The following TBC1D16 variants were observed in gnomAD, a reference collection of about 807,000 sequenced individuals.
The protein encoded by TBC1D16 is CTD-2529O21.1.
Under a neutral mutation model 74.7 loss-of-function variants are expected in TBC1D16, and 58 were observed. The ratio of observed to expected loss-of-function variants is 0.78; its 90% CI spans 0.63 to 0.97. The LOEUF (loss-of-function observed/expected upper bound fraction) is 0.97. TBC1D16 is among the 50% of genes least tolerant of loss of function. TBC1D16 has a pLI of 0.00. For missense variants in TBC1D16, 1,014 were observed against 1,079.5 expected (o/e 0.94, Z 0.85); for synonymous variants, 493 against 474.7 (o/e 1.04, Z -0.50).
chr17:80,012,279 A>G (rs932055739), intron 2 of TBC1D16, among the ~76,000 whole-genome samples: 1 of 151,802 alleles, frequency 6.6e-6, no homozygotes, highest in Non-Finnish European at 1.5e-5. Flanking sequence ...CGAGGTGGCT[A>G]CTCCCTGGTC....
At chr17:79,970,135 C>T (rs183337744) in intron 3 of TBC1D16, among the ~76,000 whole-genome samples, 14 of 152,226 alleles carry the variant, frequency 9.2e-5, no homozygotes, top group South Asian at 2.1e-4. Flanking sequence ...TGTTACAACA[C>T]GGATGAATCC....
chr17:79,966,229 A>G (rs1359289069), intron 3 of TBC1D16, among the ~76,000 whole-genome samples: 6 of 151,902 alleles, frequency 3.9e-5, no homozygotes, highest in Non-Finnish European at 1.5e-5. Flanking sequence ...TGTTTTCTCT[A>G]CTTAGAAGGA....
At position 79,940,583 on chromosome 17, in the gene TBC1D16, G is replaced by A. The variant is rs970706655; in HGVS notation, c.*276C>T. On this transcript the variant is annotated 3_prime_UTR_variant, in exon 12 of 12. Transcript: ENST00000310924. This position sits in a 1 kb window ranked among gnomAD's most constrained non-coding sequence, Gnocchi z 5.4. ...AAATCCTCCAGGGCAGCCAGCAGGA[G>A]AGCCCAGCCAGCCTGCGTCTCAGGT... The A allele has an allele frequency of 2.1e-5, 7 of 332,382 alleles. No individual in the cohort carries two copies. The highest frequency in any genetic ancestry group is 1.5e-4 in the African/African-American group (7 of 47,458). The allele number at this position is 332,382 out of a possible 1,614,324, so 20.6% of individuals were successfully genotyped here. A position where few individuals can be genotyped will look rare whatever the true frequency, so the allele number is the denominator to read the frequency against.
At position 79,939,170 on chromosome 17, in the gene TBC1D16, A is replaced by G. The variant is rs1000146359; in HGVS notation, c.*1689T>C. 4 of 152,322 alleles carry G rather than the reference A, an allele frequency of 2.6e-5. No individual in the cohort carries two copies. Among genetic ancestry groups the G allele is most frequent in the African/African-American group, 9.7e-5 (4 of 41,442 alleles). 9.4% of individuals were successfully genotyped at this position (152,322 alleles called of 1,614,324 possible). A position where few individuals can be genotyped will look rare whatever the true frequency, so the allele number is the denominator to read the frequency against. On this transcript the variant is annotated 3_prime_UTR_variant, in exon 12 of 12. Transcript: ENST00000310924. Reference sequence around the variant, plus strand: ...GCAACCCTCTCTTCCCAGAAGCAACATGGATGAGAAGCCCACCCCATTCCC... The same window carrying G: ...GCAACCCTCTCTTCCCAGAAGCAACGTGGATGAGAAGCCCACCCCATTCCC...
intron 1 of TBC1D16, among the ~76,000 whole-genome samples, chr17:80,028,513 A>G (rs1348431804): frequency 6.6e-6 from 1 of 151,940 alleles, no homozygotes; most frequent in Non-Finnish European, 1.5e-5. Context: ...TGGGTGACAG[A>G]GCGAGACTCT....
Position 80,035,011 on chromosome 17 carries a change from AC to A in TBC1D16, c.-63+783del, listed in dbSNP as rs1404506834. Among the ~76,000 whole-genome samples, 1 of 152,214 alleles carries A rather than the reference AC, an allele frequency of 6.6e-6. No homozygotes were observed. Among genetic ancestry groups the A allele is most frequent in the African/African-American group, 2.4e-5 (1 of 41,464 alleles). ...TGACCCAGACAGTAAAACAAACTTT[AC>A]CATAAGGCGAGACTAACTTTTGTTA... On this transcript the variant is annotated intron_variant, in intron 1 of 11. Coordinates refer to ENST00000310924, the MANE Select transcript of TBC1D16 (RefSeq NM_019020.4). The surrounding 1 kb of genome is among the most constrained non-coding windows in gnomAD (Gnocchi z 5.3).
At chr17:80,018,386 A>G (rs1373139634) in intron 1 of TBC1D16, among the ~76,000 whole-genome samples, 1 of 149,096 alleles carries the variant, frequency 6.7e-6, no homozygotes, top group East Asian at 1.9e-4. Context: ...GGTTCACGCC[A>G]TTCTCCTGCT....
At chr17:80,025,146 A>AATGACACACACG (rs796772757) in intron 1 of TBC1D16, among the ~76,000 whole-genome samples, 61,683 of 87,634 alleles carry the variant, frequency 0.7, 29,924 homozygotes, top group Admixed American at 0.75. Flanking sequence ...AGGCACACAC[A>AATGACACACACG]AACACACCAG....
rs558165861 is a variant in TBC1D16 at position 79,950,309 on chromosome 17, G to A, written c.1257+102C>T. On this transcript the variant is annotated intron_variant, in intron 6 of 11. Transcript: ENST00000310924. This position sits in a 1 kb window ranked among gnomAD's most constrained non-coding sequence, Gnocchi z 4.6. ...GGGCCCTCACGAGGAGGTGGCCCGT[G>A]GGTGCGGGCGGGCGGCCAGGCCCCG... 6.0e-5 allele frequency: 81 copies of A among 1,343,776 alleles called. 1 individual carries two copies. In the South Asian group the frequency reaches 1.2e-3, roughly 20 times the overall value. 83.2% of individuals were successfully genotyped at this position (1,343,776 alleles called of 1,614,324 possible).
In TBC1D16 at chr17:79,980,894, C is replaced by T. The variant is rs192185313; in HGVS notation, c.780-28076G>A. Among the ~76,000 whole-genome samples, 38 of 152,124 alleles carry T rather than the reference C, an allele frequency of 2.5e-4. No homozygotes were observed. In the East Asian group the frequency reaches 6.0e-3, roughly 24 times the overall value. ...GCCTGTGAGTTGAGCCAGAGCTGACCGGGAGCTGCTGGGACCATGGCTAGG... is the reference window on the plus strand; with the variant it reads ...GCCTGTGAGTTGAGCCAGAGCTGACTGGGAGCTGCTGGGACCATGGCTAGG... On this transcript the variant is annotated intron_variant, in intron 3 of 11. Coordinates refer to ENST00000310924, the MANE Select transcript of TBC1D16 (RefSeq NM_019020.4). This position sits in a 1 kb window ranked among gnomAD's most constrained non-coding sequence, Gnocchi z 7.0.
At chr17:80,003,090 C>T (rs2035552104) in intron 3 of TBC1D16, among the ~76,000 whole-genome samples, 1 of 152,182 alleles carries the variant, frequency 6.6e-6, no homozygotes, top group African/African-American at 2.4e-5. Context: ...GGGTGAAGTG[C>T]CCAGTGTGTG....
intron 10 of TBC1D16, among the ~76,000 whole-genome samples, chr17:79,942,475 GGCTGCT>G (rs977396454): frequency 2.0e-5 from 3 of 151,376 alleles, no homozygotes; most frequent in Non-Finnish European, 4.4e-5. Context: ...AGCCCCCACG[GGCTGCT>G]GCTGCTCTCC....
Position 79,954,653 on chromosome 17 carries a change from G to A in TBC1D16, c.780-1835C>T, listed in dbSNP as rs1171120009. Among the ~76,000 whole-genome samples, 2 of 152,156 alleles carry A rather than the reference G, an allele frequency of 1.3e-5. No individual in the cohort carries two copies. The highest frequency in any genetic ancestry group is 6.5e-5 in the Admixed American group (1 of 15,274). ...TTGCTCACAACACAGGGCAGGTCTCGAGTCTGAGGCCCCACCGCACCCATG... is the reference window on the plus strand; with the variant it reads ...TTGCTCACAACACAGGGCAGGTCTCAAGTCTGAGGCCCCACCGCACCCATG... On this transcript the variant is annotated intron_variant, in intron 3 of 11. Coordinates refer to ENST00000310924, the MANE Select transcript of TBC1D16 (RefSeq NM_019020.4). This position sits in a 1 kb window ranked among gnomAD's most constrained non-coding sequence, Gnocchi z 5.5.
rs2034905628 is a variant in TBC1D16, at chr17:79,987,925, C to T, written c.779+22235G>A. ...AGAGGCTCAGAAAAACCCTCCGAGG[C>T]TCTCGGATTTTACGCCTGCATGAGA... is the stretch of plus-strand genomic sequence containing the variant. On this transcript the variant is annotated intron_variant, in intron 3 of 11. Transcript: ENST00000310924. This position sits in a 1 kb window ranked among gnomAD's most constrained non-coding sequence, Gnocchi z 5.2. Among the ~76,000 whole-genome samples, 1 of 152,014 alleles carries T rather than the reference C, an allele frequency of 6.6e-6. No homozygotes were observed. The highest frequency in any genetic ancestry group is 2.1e-4 in the South Asian group (1 of 4,818).
rs372480371 is a variant in TBC1D16 at position 79,976,663 on chromosome 17, G to A, written c.780-23845C>T. On this transcript the variant is annotated intron_variant, in intron 3 of 11. Coordinates refer to ENST00000310924, the MANE Select transcript of TBC1D16 (RefSeq NM_019020.4). ...TCCTGACTCAGCAGGGATGCTGGAT[G>A]CAAACTGGCCCTGATACACTGGGCC... is the stretch of plus-strand genomic sequence containing the variant. Among the ~76,000 whole-genome samples, 54 of 152,324 alleles carry A rather than the reference G, an allele frequency of 3.5e-4. 1 individual carries two copies. In the East Asian group the frequency reaches 9.1e-3, roughly 26 times the overall value.
At chr17:79,964,242 G>T (rs940270415) in intron 3 of TBC1D16, among the ~76,000 whole-genome samples, 4 of 152,164 alleles carry the variant, frequency 2.6e-5, no homozygotes, top group Non-Finnish European at 4.4e-5. Flanking sequence ...CTCCCAAAGT[G>T]CTGGGTTACA....
chr17:80,025,110 A>AT (rs1441139477), intron 1 of TBC1D16, among the ~76,000 whole-genome samples: 5 of 10,840 alleles, frequency 4.6e-4, no homozygotes, highest in Non-Finnish European at 1.2e-3. Flanking sequence ...ATATACACAC[A>AT]AACACCACAG....
intron 9 of TBC1D16, among the ~76,000 whole-genome samples, chr17:79,945,527 T>G (rs1264751750): frequency 6.6e-6 from 1 of 152,106 alleles, no homozygotes; most frequent in African/African-American, 2.4e-5. Flanking sequence ...TCCAGAGCTG[T>G]TTTAGGGCAG....
intron 9 of TBC1D16, among the ~76,000 whole-genome samples, chr17:79,947,293 AC>A (rs1184984819): frequency 7.2e-5 from 11 of 152,040 alleles, no homozygotes; most frequent in Non-Finnish European, 1.5e-4. Context: ...AGCAGCTTAG[AC>A]ACACCTGAGG....
Sources: gnomAD v4.1 joint callset for allele counts (sites outside exome capture counted in the v4.1 genomes callset) on GRCh38, gnomAD v4.1.1 for gene constraint, Gnocchi (gnomAD v3.1) non-coding constraint, MANE v1.5 for transcripts, NCBI Gene and HGNC (gene_info 2026-07-23, HGNC 2026-07-21) for gene names.